The following OR9Q1 variants were observed in gnomAD, a reference collection of about 807,000 sequenced individuals.
The protein encoded by OR9Q1 is olfactory receptor family 9 subfamily Q member 1.
For missense variants in OR9Q1, 374 were observed against 378.8 expected (o/e 0.99, Z 0.11); for synonymous variants, 153 against 148.6 (o/e 1.03, Z -0.22).
chr11:58,114,075 A>T (rs1034175480), intron 2 of OR9Q1, among the ~76,000 whole-genome samples: 9 of 152,168 alleles, frequency 5.9e-5, no homozygotes, highest in Non-Finnish European at 1.2e-4. Flanking sequence ...AATTTTATGC[A>T]TATGCTAGAA....
At chr11:58,139,196 T>C (rs2441981) in intron 2 of OR9Q1, among the ~76,000 whole-genome samples, 74,864 of 151,766 alleles carry the variant, frequency 0.49, 19,318 homozygotes, top group East Asian at 0.81. Context: ...CACAAATAAA[T>C]GATATTGGAT....
chr11:58,173,427 A>G (rs550108803), intron 2 of OR9Q1, among the ~76,000 whole-genome samples: 20 of 150,976 alleles, frequency 1.3e-4, no homozygotes, highest in Non-Finnish European at 2.4e-4. Flanking sequence ...GAGAATGATG[A>G]TTTCCAGTTT....
chr11:58,119,033 G>A, intron 2 of OR9Q1: 6 of 1,614,004 alleles, frequency 3.7e-6, no homozygotes, highest in Non-Finnish European at 5.1e-6. Context: ...CAGAGCCTGG[G>A]ATTCATGGCC....
intron 2 of OR9Q1, among the ~76,000 whole-genome samples, chr11:58,175,779 A>C (rs1431661793): frequency 6.6e-6 from 1 of 151,950 alleles, no homozygotes; most frequent in Non-Finnish European, 1.5e-5. Context: ...ATAATTGTCA[A>C]AGAGGGCAAT....
rs575282636 is a variant in OR9Q1, at chr11:58,167,496, A to C, written c.-14-11935A>C. 1.1e-4 allele frequency among the ~76,000 whole-genome samples: 17 copies of C among 152,344 alleles called. No individual in the cohort carries two copies. In the East Asian group the frequency reaches 3.1e-3, roughly 28 times the overall value. ...GATCAGCTTGTCGTGTTTTATCAAT[A>C]TATCAGTCATCTATTGCCATATTAA... On this transcript the variant is annotated intron_variant, in intron 2 of 2. Transcript: ENST00000335397.
At chr11:58,094,590 A>G (rs1459286505) in intron 2 of OR9Q1, among the ~76,000 whole-genome samples, 1 of 152,202 alleles carries the variant, frequency 6.6e-6, no homozygotes, top group Admixed American at 6.5e-5. Flanking sequence ...TGCAAAAATC[A>G]AATTATTGGA....
At chr11:58,053,629 A>ATTATATATATATT (rs1314383139) in intron 1 of OR9Q1, among the ~76,000 whole-genome samples, 1 of 98,934 alleles carries the variant, frequency 1.0e-5, no homozygotes. Flanking sequence ...ATATATATAA[A>ATTATATATATATT]ATATATATAT....
At chr11:58,173,796 T>C (rs12283186) in intron 2 of OR9Q1, among the ~76,000 whole-genome samples, 1,649 of 152,238 alleles carry the variant, frequency 0.011, 22 homozygotes, top group African/African-American at 0.036. Context: ...TGTTTTCTAG[T>C]GGGAGCATTT....
At chr11:58,119,719 G>T (rs1565081803) in intron 2 of OR9Q1, among the ~76,000 whole-genome samples, 1 of 152,112 alleles carries the variant, frequency 6.6e-6, no homozygotes, top group African/African-American at 2.4e-5. Flanking sequence ...CAATTCTTAG[G>T]TTTGGAAGAG....
rs75412970 is a variant in OR9Q1 at position 58,075,364 on chromosome 11, G to A, written c.-15+19417G>A. ...ATTCCTAGGGATTTTATTCTCTAGC[G>A]AAGACTTTATTAAAGCAGACAGAAC... is the stretch of plus-strand genomic sequence containing the variant. On this transcript the variant is annotated intron_variant, in intron 2 of 2. Coordinates refer to ENST00000335397, the MANE Select transcript of OR9Q1 (RefSeq NM_001005212.4). 9.2e-5 allele frequency: 14 copies of A among 152,066 alleles called. No individual in the cohort carries two copies. In the East Asian group the frequency reaches 1.5e-3, roughly 17 times the overall value. 9.4% of individuals were successfully genotyped at this position (152,066 alleles called of 1,614,324 possible). A position where few individuals can be genotyped will look rare whatever the true frequency, so the allele number is the denominator to read the frequency against.
intron 2 of OR9Q1, among the ~76,000 whole-genome samples, chr11:58,178,066 G>C (rs1407252528): frequency 2.0e-5 from 3 of 152,198 alleles, no homozygotes; most frequent in East Asian, 3.8e-4. Flanking sequence ...AATACGTCTG[G>C]AGAGAAGCGT....
At chr11:58,024,269 G>C (rs1169886941) in intron 1 of OR9Q1, among the ~76,000 whole-genome samples, 165 bp downstream of exon 1, 3 of 152,110 alleles carry the variant, frequency 2.0e-5, no homozygotes, top group Non-Finnish European at 4.4e-5. Flanking sequence ...GCAGGTCTCC[G>C]GGCTTCATCC....
intron 2 of OR9Q1, among the ~76,000 whole-genome samples, chr11:58,106,193 G>A (rs1853838407): frequency 1.3e-5 from 2 of 150,308 alleles, no homozygotes; most frequent in Non-Finnish European, 1.5e-5. Flanking sequence ...CTTCAAAATA[G>A]GTGTGAAGTG....
At chr11:58,068,144 G>A (rs1400158790) in intron 2 of OR9Q1, among the ~76,000 whole-genome samples, 1 of 149,692 alleles carries the variant, frequency 6.7e-6, no homozygotes, top group Non-Finnish European at 1.5e-5. Flanking sequence ...TTCAAGACCA[G>A]CCTGATCAAC....
intron 2 of OR9Q1, chr11:58,078,343 A>T (rs1297208011): frequency 6.6e-6 from 1 of 152,262 alleles, no homozygotes; most frequent in East Asian, 1.9e-4. Context: ...TAGCGGCCAT[A>T]GGAAATGGTT....
chr11:58,133,286 A>G (rs1269446022), intron 2 of OR9Q1, among the ~76,000 whole-genome samples: 3 of 152,202 alleles, frequency 2.0e-5, no homozygotes, highest in Non-Finnish European at 4.4e-5. Flanking sequence ...GATTGGTTAC[A>G]GAATGAAAAC....
chr11:58,172,748 C>A (rs1369500180), intron 2 of OR9Q1, among the ~76,000 whole-genome samples: 2 of 152,104 alleles, frequency 1.3e-5, no homozygotes, highest in Non-Finnish European at 2.9e-5. Context: ...TACAGCCATG[C>A]AATGCATAAT....
intron 2 of OR9Q1, among the ~76,000 whole-genome samples, chr11:58,083,543 A>G (rs1853608508): frequency 6.6e-6 from 1 of 151,718 alleles, no homozygotes; most frequent in African/African-American, 2.4e-5. Flanking sequence ...TCCCAAGGCC[A>G]GAGGGTATTT....
intron 2 of OR9Q1, chr11:58,145,064 G>C (rs975799934): frequency 6.4e-6 from 1 of 157,304 alleles, no homozygotes; most frequent in African/African-American, 2.4e-5. Context: ...ACCAGGCCAC[G>C]GGAATGGGTA....
Sources: allele counts gnomAD v4.1 joint callset (sites outside exome capture counted in the v4.1 genomes callset), GRCh38; gene constraint gnomAD v4.1.1; transcripts MANE v1.5; gene names NCBI Gene and HGNC (gene_info 2026-07-23, HGNC 2026-07-21).